APBA2: variants seen among roughly 807,000 people sequenced by gnomAD.
APBA2 encodes the protein amyloid-beta A4 precursor protein-binding family A member 2.
In APBA2, 30 loss-of-function variants were observed where a neutral mutation model predicts 75.0. The observed-to-expected ratio is 0.40, with a 90% CI of 0.30 to 0.54. The LOEUF (loss-of-function observed/expected upper bound fraction) is 0.54. APBA2 is among the 20% of genes least tolerant of loss of function. APBA2 has a pLI of 0.49. For missense variants in APBA2, 801 were observed against 1,016.1 expected, an observed-to-expected ratio of 0.79 and a Z score of 2.88; for synonymous variants, 444 against 409.6, an observed-to-expected ratio of 1.08 and a Z score of -1.01.
intron 1 of APBA2, among the ~76,000 whole-genome samples, chr15:28,891,251 G>A (rs2032110348): frequency 6.6e-6 from 1 of 152,168 alleles, no homozygotes; most frequent in Admixed American, 6.6e-5. Flanking sequence ...TTGCAACAAG[G>A]AGGCTGGGGA....
At position 29,114,129 on chromosome 15, in the gene APBA2, C is replaced by T. The variant is rs1244974157; in HGVS notation, c.2178+113C>T. On this transcript the variant is annotated intron_variant, in intron 14 of 14. Transcript: ENST00000683413. ...ACAGGGCATCTGAAGGTCAGCCAGG[C>T]TGTGTCTCCCATCGGGGCTGCTGTG... The T allele has an allele frequency of 2.7e-6, 4 of 1,470,666 alleles. No homozygotes were observed. The African/African-American group carries it at 4.2e-5, about 15-fold the overall frequency. The allele number at this position is 1,470,666 out of a possible 1,614,324, so 91.1% of individuals were successfully genotyped here.
At chr15:28,979,310 G>A (rs915974664) in intron 2 of APBA2, among the ~76,000 whole-genome samples, 4 of 152,100 alleles carry the variant, frequency 2.6e-5, no homozygotes, top group Non-Finnish European at 4.4e-5. Flanking sequence ...TGGTCCTCCC[G>A]GGTCCCGGTC....
chr15:28,913,967 A>G (rs1355693842), intron 1 of APBA2, among the ~76,000 whole-genome samples: 2 of 152,150 alleles, frequency 1.3e-5, no homozygotes, highest in Non-Finnish European at 2.9e-5. Context: ...ACACCCCTCT[A>G]GGAACACTGG....
At chr15:28,886,558 G>GGGGGGCACCGCGGCAA (rs2031742803) in intron 1 of APBA2, among the ~76,000 whole-genome samples, 2 of 137,226 alleles carry the variant, frequency 1.5e-5, no homozygotes, top group East Asian at 2.3e-4. Context: ...CATCCCGCGC[G>GGGGGGCACCGCGGCAA]GGGGGCACCG....
At chr15:29,113,738 C>CTGTG in intron 13 of APBA2, 138 bp from the exon 14 acceptor site, 1 of 1,074,078 alleles carries the variant, frequency 9.3e-7, no homozygotes, top group South Asian at 1.4e-5. Flanking sequence ...GGATCTCTGT[C>CTGTG]TGTGAGTCAG....
chr15:28,966,089 T>G (rs1001044925), intron 2 of APBA2, among the ~76,000 whole-genome samples: 2 of 146,798 alleles, frequency 1.4e-5, no homozygotes, highest in Admixed American at 1.3e-4. Context: ...TTTTTTGAAT[T>G]TATTAAGGCT....
intron 3 of APBA2, among the ~76,000 whole-genome samples, chr15:29,047,509 G>T (rs569409204): frequency 7.2e-5 from 11 of 152,288 alleles, no homozygotes; most frequent in African/African-American, 2.4e-4. Flanking sequence ...CCTTAGTTTT[G>T]ATTTCTAAAG....
intron 2 of APBA2, among the ~76,000 whole-genome samples, chr15:28,925,703 C>T (rs1174321793): frequency 6.6e-6 from 1 of 152,158 alleles, no homozygotes; most frequent in Non-Finnish European, 1.5e-5. Context: ...ATTTATGATG[C>T]TATTCAAGTG....
At chr15:29,042,357 C>G (rs1294234484) in intron 3 of APBA2, among the ~76,000 whole-genome samples, 1 of 152,138 alleles carries the variant, frequency 6.6e-6, no homozygotes, top group Non-Finnish European at 1.5e-5. Flanking sequence ...ACTGCAACCT[C>G]TGCCTCCCGA....
chr15:29,046,183 G>A lies in APBA2; in HGVS notation c.-40-7662G>A, dbSNP rs1338315628. On this transcript the variant is annotated intron_variant, in intron 3 of 14. Coordinates refer to ENST00000683413, the MANE Select transcript of APBA2 (RefSeq NM_001353788.2). The surrounding 1 kb of genome is among the most constrained non-coding windows in gnomAD (Gnocchi z 5.0). ...GCTGCAAACTGCTTCTGTGCAAAAG[G>A]CAATGTGTTAGTTCCTTGCAGGAAT... Among the ~76,000 whole-genome samples, 1 of 152,196 alleles carries A rather than the reference G, an allele frequency of 6.6e-6. No homozygotes were observed. The highest frequency in any genetic ancestry group is 2.4e-5 in the African/African-American group (1 of 41,456).
At chr15:28,963,330 C>G (rs746956771) in intron 2 of APBA2, among the ~76,000 whole-genome samples, 9 of 152,154 alleles carry the variant, frequency 5.9e-5, no homozygotes, top group Non-Finnish European at 1.2e-4. Context: ...CAGCTCAGGC[C>G]CGGCAGGGGC....
chr15:28,998,197 T>C (rs1293830032), intron 3 of APBA2, among the ~76,000 whole-genome samples: 2 of 147,446 alleles, frequency 1.4e-5, no homozygotes, highest in African/African-American at 5.3e-5. Flanking sequence ...TATTCTTCTT[T>C]TTCTTTTTTT....
chr15:29,054,252 C>T lies in APBA2; in HGVS notation c.368C>T (p.Ala123Val). 2.5e-6 allele frequency: 4 copies of T among 1,614,128 alleles called. No homozygotes were observed. Among genetic ancestry groups the T allele is most frequent in the Non-Finnish European group, 3.4e-6 (4 of 1,180,032 alleles). The change falls in exon 4 of 15, where the codon GCC becomes GTC. Residue 123 changes from alanine to valine, a missense_variant. By Grantham distance (64) the Ala-to-Val change is moderately conservative (BLOSUM62 0). Coordinates refer to ENST00000683413, the MANE Select transcript of APBA2 (RefSeq NM_001353788.2). The surrounding 1 kb of genome is among the most constrained non-coding windows in gnomAD (Gnocchi z 6.1). ...GMDCNGEEYL[A>V]HSAHPVDTDE... ...GACTGCAACGGGGAGGAGTACCTGG[C>T]CCACAGTGCACACCCTGTGGACACT... is the stretch of plus-strand genomic sequence containing the variant.
At chr15:29,050,994 T>C (rs147152775) in intron 3 of APBA2, among the ~76,000 whole-genome samples, 850 of 152,260 alleles carry the variant, frequency 5.6e-3, no homozygotes, top group Non-Finnish European at 7.4e-3. Flanking sequence ...GACATGGACG[T>C]CTGGTTGCAT....
intron 7 of APBA2, among the ~76,000 whole-genome samples, chr15:29,093,978 C>T (rs1432011579): frequency 6.6e-6 from 1 of 152,238 alleles, no homozygotes; most frequent in South Asian, 2.1e-4. Flanking sequence ...CCATCCCAGA[C>T]CCTTGCCTTG....
chr15:28,920,861 G>T (rs763964684), intron 1 of APBA2, among the ~76,000 whole-genome samples: 2 of 152,172 alleles, frequency 1.3e-5, no homozygotes, highest in Admixed American at 6.5e-5. Flanking sequence ...GCACAGGCAG[G>T]TTACATAGTC....
intron 2 of APBA2, among the ~76,000 whole-genome samples, chr15:28,946,452 T>C (rs2152714102): frequency 6.6e-6 from 1 of 152,308 alleles, no homozygotes; most frequent in African/African-American, 2.4e-5. Flanking sequence ...GCAGGTGGCT[T>C]CTAGAAGCCA....
intron 1 of APBA2, among the ~76,000 whole-genome samples, chr15:28,916,000 C>T (rs1227002861): frequency 7.9e-5 from 12 of 152,214 alleles, no homozygotes; most frequent in Admixed American, 2.0e-4. Flanking sequence ...ACCCCCGCCA[C>T]ACACATTTGC....
intron 3 of APBA2, among the ~76,000 whole-genome samples, chr15:29,039,014 G>A (rs191079680): frequency 2.6e-5 from 4 of 151,910 alleles, no homozygotes; most frequent in Admixed American, 2.6e-4. Flanking sequence ...TACTATTGTT[G>A]ATCAAGGAAG....
Sources: allele counts gnomAD v4.1 joint callset (sites outside exome capture counted in the v4.1 genomes callset), GRCh38; gene constraint gnomAD v4.1.1; non-coding constraint Gnocchi (gnomAD v3.1); transcripts MANE v1.5; gene names NCBI Gene and HGNC (gene_info 2026-07-23, HGNC 2026-07-21).